The following ERCC6 variants were observed in gnomAD, a reference collection of about 807,000 sequenced individuals.
ERCC6 encodes ERCC excision repair 6, chromatin remodeling factor.
A neutral mutation model predicts 158.7 loss-of-function variants in ERCC6; 116 were observed. That is an observed-to-expected ratio of 0.73 (90% CI 0.63 to 0.85). ERCC6 has a LOEUF of 0.85. Among genes scored for constraint, ERCC6 ranks in the 40% least tolerant of loss-of-function variants. The pLI is 0.00. For missense variants in ERCC6, 1,698 were observed against 1,799.4 expected (o/e 0.94, Z 1.02); for synonymous variants, 678 against 659.3 (o/e 1.03, Z -0.43).
chr10:49,437,544 G>C, the ERCC6 span, among the ~76,000 whole-genome samples: 1 of 152,194 alleles, frequency 6.6e-6, no homozygotes. Flanking sequence ...GAGAGGAATA[G>C]ACAGGTAGCT....
At chr10:49,516,719 T>C (rs769069696) in intron 5 of ERCC6, 12 of 1,613,938 alleles carry the variant, frequency 7.4e-6, no homozygotes, top group Admixed American at 6.7e-5. Context: ...AGAAATCGTT[T>C]GGTGGTGCTG....
chr10:49,515,075 T>G, intron 5 of ERCC6: 1 of 644,460 alleles, frequency 1.6e-6, no homozygotes, highest in Non-Finnish European at 2.2e-6. Flanking sequence ...GCTTTGTTAT[T>G]TAAAAGAAGG....
intron 7 of ERCC6, among the ~76,000 whole-genome samples, chr10:49,494,249 T>C (rs1851227177): frequency 6.6e-6 from 1 of 152,218 alleles, no homozygotes; most frequent in Non-Finnish European, 1.5e-5. Flanking sequence ...CAAATGGGAA[T>C]AATAACAGTA....
chr10:49,531,936 T>C (rs918351595), intron 2 of ERCC6, among the ~76,000 whole-genome samples: 1 of 152,168 alleles, frequency 6.6e-6, no homozygotes, highest in Non-Finnish European at 1.5e-5. Flanking sequence ...CCTCACCTCC[T>C]ACCCTTGCTC....
chr10:49,470,181 C>G lies in ERCC6; in HGVS notation c.3778+1G>C, dbSNP rs1554875114. The G allele has an allele frequency of 1.9e-6, 3 of 1,613,946 alleles. No homozygotes were observed. Among genetic ancestry groups the G allele is most frequent in the Non-Finnish European group, 2.5e-6 (3 of 1,179,818 alleles). On this transcript the variant is annotated splice_donor_variant, in intron 18 of 20. Transcript: ENST00000355832. LOFTEE classifies it high-confidence loss of function. ...TGTGGCAAACGTATCAAATGGATTACCTGATTTTTTGAAAAGCTTTTCCAA... is the reference window on the plus strand; with the variant it reads ...TGTGGCAAACGTATCAAATGGATTAGCTGATTTTTTGAAAAGCTTTTCCAA...
chr10:49,537,504 C>CACAT (rs539465367), intron 1 of ERCC6, among the ~76,000 whole-genome samples: 1 of 118,826 alleles, frequency 8.4e-6, no homozygotes, highest in Non-Finnish European at 1.9e-5. Flanking sequence ...TATATATATA[C>CACAT]ACATACACAC....
intron 5 of ERCC6, chr10:49,517,057 T>C (rs1836995506): frequency 6.2e-7 from 1 of 1,612,422 alleles, no homozygotes; most frequent in African/African-American, 1.3e-5. Context: ...CTTGCTTCTA[T>C]GCTGTCATCT....
intron 10 of ERCC6, among the ~76,000 whole-genome samples, chr10:49,481,798 G>T (rs1850984078): frequency 1.3e-5 from 2 of 152,154 alleles, no homozygotes. Flanking sequence ...AACCTTGTTT[G>T]TTCTGCCTAA....
In ERCC6 at chr10:49,505,965, A is replaced by C. The variant is rs748921820; in HGVS notation, c.1445T>G (p.Leu482Arg). 1.5e-4 allele frequency: 243 copies of C among 1,613,398 alleles called. No homozygotes were observed. Among genetic ancestry groups the C allele is most frequent in the Non-Finnish European group, 1.9e-4 (225 of 1,179,582 alleles). The change falls in exon 6 of 21, where the codon CTG (leucine) becomes CGG (arginine). Residue 482 changes from leucine to arginine, a missense_variant. Leu to Arg is a moderately radical substitution (Grantham distance 102, BLOSUM62 -2). Coordinates refer to ENST00000355832, the MANE Select transcript of ERCC6 (RefSeq NM_000124.4). The stretch of plus-strand genomic sequence containing the variant: ...ATCACTTTCCTCAGAATCGTCCTCC[A>C]GCTTCAGACGTTTCTCTTTGTCCTG... ...RLQDKEKRLK[L>R]EDDSEESDAE...
intron 5 of ERCC6, among the ~76,000 whole-genome samples, chr10:49,513,346 T>C (rs1436235459): frequency 6.6e-6 from 1 of 152,178 alleles, no homozygotes; most frequent in Non-Finnish European, 1.5e-5. Context: ...TACATACATA[T>C]TTCTTAATTG....
the ERCC6 span, among the ~76,000 whole-genome samples, chr10:49,435,858 G>C: frequency 6.6e-6 from 1 of 151,980 alleles, no homozygotes; most frequent in Admixed American, 6.5e-5. Context: ...AATTAGCTGG[G>C]CATGGTGGCA....
At chr10:49,505,324 C>CTTCA (rs1851425182) in intron 6 of ERCC6, 2 of 152,698 alleles carry the variant, frequency 1.3e-5, no homozygotes, top group South Asian at 4.1e-4. Flanking sequence ...CTTCAAATAG[C>CTTCA]AACTTAATCA....
At chr10:49,448,123 C>T in the ERCC6 span, among the ~76,000 whole-genome samples, 5 of 152,150 alleles carry the variant, frequency 3.3e-5, no homozygotes, top group Non-Finnish European at 5.9e-5. Context: ...AACTATTTTT[C>T]ACAGTGGTTG....
intron 5 of ERCC6, among the ~76,000 whole-genome samples, chr10:49,513,304 C>G (rs963304680): frequency 6.6e-6 from 1 of 152,108 alleles, no homozygotes; most frequent in Non-Finnish European, 1.5e-5. Flanking sequence ...TAGCTCTGGA[C>G]AAGTTTTGTT....
At chr10:49,482,640 A>C in intron 10 of ERCC6, 47 bp downstream of exon 10, 2 of 1,541,158 alleles carry the variant, frequency 1.3e-6, no homozygotes, top group Non-Finnish European at 1.8e-6. Context: ...TAATAGGAGC[A>C]CTTTAAATAT....
Position 49,524,293 on chromosome 10 carries a change from C to T in ERCC6, c.1137G>A (p.Glu379=), listed in dbSNP as rs1201977124. 6.2e-7 allele frequency: 1 copy of T among 1,614,082 alleles called. No individual in the cohort carries two copies. Among genetic ancestry groups the T allele is most frequent in the Non-Finnish European group, 8.5e-7 (1 of 1,179,988 alleles). Residue 379 remains glutamate, a synonymous_variant, in exon 5 of 21, where the codon GAG becomes GAA. Transcript: ENST00000355832. ...CCTCGTCATCTTCCTCCTCTTCCTC[C>T]TCCTCTGTGGGGAAATACTCAGACT... is the stretch of plus-strand genomic sequence containing the variant. ...GEESEYFPTE[E]EEEEEDDEVE...
chr10:49,497,460 T>C (rs1161303663), intron 7 of ERCC6, among the ~76,000 whole-genome samples: 1 of 152,260 alleles, frequency 6.6e-6, no homozygotes, highest in Non-Finnish European at 1.5e-5. Context: ...ACTGCTACAT[T>C]GATGACTCAC....
At position 49,457,018 on chromosome 10, in the gene ERCC6, T is replaced by A. The variant is rs977308886; in HGVS notation, c.*1797A>T. On this transcript the variant is annotated 3_prime_UTR_variant, in exon 21 of 21. Coordinates refer to ENST00000355832, the MANE Select transcript of ERCC6 (RefSeq NM_000124.4). ...CTATACCTTGTCTAGCTCAATACAG[T>A]TTATGTTTCAGACACTATAAGTATG... The A allele has an allele frequency of 1.3e-5, 2 of 152,186 alleles. No individual in the cohort carries two copies. Among genetic ancestry groups the A allele is most frequent in the African/African-American group, 4.8e-5 (2 of 41,454 alleles). The allele number at this position is 152,186 out of a possible 1,614,324, so 9.4% of individuals were successfully genotyped here.
At chr10:49,452,012 G>T (rs2132517637), downstream of ERCC6, among the ~76,000 whole-genome samples, 1 of 151,798 alleles carries the variant, frequency 6.6e-6, no homozygotes, top group African/African-American at 2.4e-5. Flanking sequence ...CCTTTTTATT[G>T]GTCAACCTAG....
Sources: allele counts gnomAD v4.1 joint callset (sites outside exome capture counted in the v4.1 genomes callset), GRCh38; gene constraint gnomAD v4.1.1; transcripts MANE v1.5; gene names NCBI Gene and HGNC (gene_info 2026-07-23, HGNC 2026-07-21).